The following RAB8B variants were observed in gnomAD, a reference collection of about 807,000 sequenced individuals.
The protein encoded by RAB8B is ras-related protein Rab-8B.
Under a neutral mutation model 32.0 loss-of-function variants are expected in RAB8B, and 11 were observed. The ratio of observed to expected loss-of-function variants is 0.34; its 90% confidence interval spans 0.22 to 0.57. RAB8B has a LOEUF of 0.57. Ranked by LOEUF, RAB8B falls within the 20% of genes least tolerant of loss-of-function variation. RAB8B has a pLI of 0.86. For synonymous variants in RAB8B, 103 were observed against 89.6 expected (o/e 1.15, Z -0.85); for missense variants, 190 against 258.5 (o/e 0.73, Z 1.82).
intron 1 of RAB8B, among the ~76,000 whole-genome samples, chr15:63,222,692 G>A (rs1389062344): frequency 1.3e-5 from 2 of 151,818 alleles, no homozygotes; most frequent in African/African-American, 4.8e-5. Context: ...CATATGCCAC[G>A]ACACCCGACT....
intron 1 of RAB8B, among the ~76,000 whole-genome samples, chr15:63,195,213 A>G (rs1567007041): frequency 6.6e-6 from 1 of 152,288 alleles, no homozygotes; most frequent in Non-Finnish European, 1.5e-5. Flanking sequence ...CTGCCAGTAG[A>G]TTTCCCATCT....
rs565668191 is a variant in RAB8B at position 63,220,383 on chromosome 15, C to G, written c.125-24373C>G. Among the ~76,000 whole-genome samples, 12 of 151,740 alleles carry G rather than the reference C, an allele frequency of 7.9e-5. No individual in the cohort carries two copies. The South Asian group carries it at 2.5e-3, about 32-fold the overall frequency. ...AATTATTCTAGAATGTTCTTTAGGC[C>G]GGTGTTTTTAATATGGATTGCAACC... On this transcript the variant is annotated intron_variant, in intron 1 of 7. Coordinates refer to ENST00000321437, the MANE Select transcript of RAB8B (RefSeq NM_016530.3).
intron 1 of RAB8B, among the ~76,000 whole-genome samples, chr15:63,194,313 A>G (rs1189747503): frequency 6.6e-6 from 1 of 152,230 alleles, no homozygotes; most frequent in East Asian, 1.9e-4. Context: ...CTGAGTTGCT[A>G]CTATTCCTAA....
At chr15:63,201,499 G>A (rs1433254836) in intron 1 of RAB8B, among the ~76,000 whole-genome samples, 14 of 152,114 alleles carry the variant, frequency 9.2e-5, no homozygotes, top group Non-Finnish European at 1.2e-4. Context: ...TGTGACAAGA[G>A]GTGAAGTTGG....
intron 1 of RAB8B, among the ~76,000 whole-genome samples, chr15:63,203,591 C>T (rs1381388220): frequency 6.6e-6 from 1 of 152,226 alleles, no homozygotes; most frequent in Non-Finnish European, 1.5e-5. Flanking sequence ...TTCATTGTTA[C>T]AGCACTTGAT....
intron 2 of RAB8B, among the ~76,000 whole-genome samples, chr15:63,247,737 A>G (rs915762209): frequency 6.6e-6 from 1 of 152,128 alleles, no homozygotes; most frequent in Admixed American, 6.5e-5. Context: ...TCTTTTTTGA[A>G]CTCAGAACTG....
chr15:63,248,499 G>A lies in RAB8B; in HGVS notation c.186-1146G>A, dbSNP rs1176287933. Among the ~76,000 whole-genome samples the A allele has an allele frequency of 6.6e-6, 1 of 152,094 alleles. No homozygotes were observed. Among genetic ancestry groups the A allele is most frequent in the Non-Finnish European group, 1.5e-5 (1 of 68,016 alleles). ...TGGACCCCAGCCTGGGTGACAGAGC[G>A]AGACTCCATCTCAAAAACAAACAAA... On this transcript the variant is annotated intron_variant, in intron 2 of 7. Coordinates refer to ENST00000321437, the MANE Select transcript of RAB8B (RefSeq NM_016530.3). This position sits in a 1 kb window ranked among gnomAD's most constrained non-coding sequence, Gnocchi z 4.4.
At chr15:63,227,163 T>C (rs2034163) in intron 1 of RAB8B, among the ~76,000 whole-genome samples, 145,826 of 152,280 alleles carry the variant, frequency 0.96, 69,865 homozygotes, top group East Asian at 1. Context: ...ATGCCTTAGC[T>C]ATCTGGGAAT....
intron 1 of RAB8B, among the ~76,000 whole-genome samples, chr15:63,242,553 C>T (rs1006032682): frequency 4.6e-5 from 7 of 152,126 alleles, no homozygotes; most frequent in African/African-American, 1.7e-4. Flanking sequence ...TGGTGCATAC[C>T]TGTAGTCCCA....
chr15:63,224,497 C>G (rs150645119), intron 1 of RAB8B, among the ~76,000 whole-genome samples: 1 of 152,054 alleles, frequency 6.6e-6, no homozygotes, highest in Non-Finnish European at 1.5e-5. Context: ...CCTAATTGCC[C>G]CATCTCCTTA....
chr15:63,218,010 A>G (rs1254883699), intron 1 of RAB8B, among the ~76,000 whole-genome samples: 1 of 152,142 alleles, frequency 6.6e-6, no homozygotes, highest in Non-Finnish European at 1.5e-5. Context: ...TGTCTTTCTT[A>G]TTTAAAAGGA....
At position 63,237,585 on chromosome 15, in the gene RAB8B, A is replaced by AT. The variant is rs200226003; in HGVS notation, c.125-7165dup. 7.6e-4 allele frequency among the ~76,000 whole-genome samples: 115 copies of AT among 151,974 alleles called. 3 individuals are homozygous for AT. In the East Asian group the frequency reaches 0.015, roughly 20 times the overall value. On this transcript the variant is annotated intron_variant, in intron 1 of 7. Transcript: ENST00000321437. Reference sequence around the variant, plus strand: ...GCTCATTTTAAAATCAGATTATAAGATTTTTTCCTGTAGAGCTGTTTGAGC... The same window carrying AT: ...GCTCATTTTAAAATCAGATTATAAGATTTTTTTCCTGTAGAGCTGTTTGAGC...
chr15:63,263,368 G>A (rs1318884603), intron 7 of RAB8B, among the ~76,000 whole-genome samples, 159 bp from the exon 8 acceptor site: 1 of 152,136 alleles, frequency 6.6e-6, no homozygotes, highest in African/African-American at 2.4e-5. Flanking sequence ...CAACATTGGT[G>A]CTTAACTAGT....
chr15:63,252,748 CT>C (rs71447327), intron 3 of RAB8B, among the ~76,000 whole-genome samples: 9,032 of 138,676 alleles, frequency 0.065, 263 homozygotes, highest in Middle Eastern at 0.11. Flanking sequence ...TTTACTTTGA[CT>C]TTTTTTTTTT....
intron 1 of RAB8B, among the ~76,000 whole-genome samples, chr15:63,215,895 A>T (rs748954234): frequency 7.2e-5 from 11 of 151,986 alleles, no homozygotes; most frequent in Non-Finnish European, 1.5e-4. Context: ...AAAATTAGCC[A>T]GGTGTGGTGA....
chr15:63,245,466 G>A (rs2152577379), intron 2 of RAB8B, among the ~76,000 whole-genome samples: 1 of 152,246 alleles, frequency 6.6e-6, no homozygotes, highest in African/African-American at 2.4e-5. Flanking sequence ...AGATGTCAGG[G>A]GGTTCCCCCC....
intron 1 of RAB8B, among the ~76,000 whole-genome samples, chr15:63,217,375 GTATT>G (rs1307656267): frequency 2.6e-5 from 4 of 152,140 alleles, no homozygotes; most frequent in African/African-American, 9.7e-5. Flanking sequence ...ATCATTTCTA[GTATT>G]TATTCCAGCA....
intron 5 of RAB8B, among the ~76,000 whole-genome samples, chr15:63,258,525 T>C (rs775838213): frequency 3.3e-5 from 5 of 152,232 alleles, no homozygotes; most frequent in Non-Finnish European, 5.9e-5. Flanking sequence ...AGCCAGATTC[T>C]TGGCATTTTG....
In RAB8B at chr15:63,189,732, C is replaced by T. The variant is rs989775339; in HGVS notation, c.108C>T (p.Thr36=). ...FRFSEDAFNT[T]FISTIGIDFK... ...TCTCAGAGGACGCCTTCAACACCACCTTCATCTCCACCATCGGTGAGGGAG... is the reference window on the plus strand; with the variant it reads ...TCTCAGAGGACGCCTTCAACACCACTTTCATCTCCACCATCGGTGAGGGAG... Residue 36 remains threonine (T), a synonymous_variant, in exon 1 of 8, where the codon ACC becomes ACT. Coordinates refer to ENST00000321437, the MANE Select transcript of RAB8B (RefSeq NM_016530.3). The T allele has an allele frequency of 9.3e-6, 15 of 1,612,286 alleles. No homozygotes were observed. The African/African-American group carries it at 1.9e-4, about 20-fold the overall frequency.
Sources: allele counts gnomAD v4.1 joint callset (sites outside exome capture counted in the v4.1 genomes callset), GRCh38; gene constraint gnomAD v4.1.1; non-coding constraint Gnocchi (gnomAD v3.1); transcripts MANE v1.5; gene names NCBI Gene and HGNC (gene_info 2026-07-23, HGNC 2026-07-21).